The following LRRC4C variants were observed in gnomAD, a reference collection of about 807,000 sequenced individuals.
The protein encoded by LRRC4C is leucine rich repeat containing 4C.
In LRRC4C, 5 loss-of-function variants were observed where a neutral mutation model predicts 33.6. That is an observed-to-expected ratio of 0.15 (90% CI 0.08 to 0.31). The LOEUF is 0.31. Ranked by LOEUF, LRRC4C falls within the 10% of genes least tolerant of loss-of-function variation. The pLI is 1.00. For missense variants in LRRC4C, 560 were observed against 796.7 expected, an observed-to-expected ratio of 0.70 and a Z score of 3.58; for synonymous variants, 329 against 302.0, an observed-to-expected ratio of 1.09 and a Z score of -0.93.
intron 1 of LRRC4C, among the ~76,000 whole-genome samples, chr11:41,257,976 T>A (rs1948857044): frequency 2.6e-5 from 4 of 151,956 alleles, no homozygotes; most frequent in South Asian, 2.1e-4. Context: ...GTGCTTAAAT[T>A]TTTTTATTAT....
intron 1 of LRRC4C, among the ~76,000 whole-genome samples, chr11:41,445,510 GAGA>G (rs1431868706): frequency 2.0e-5 from 3 of 152,210 alleles, no homozygotes; most frequent in African/African-American, 4.8e-5. Flanking sequence ...GAAAGGAAAG[GAGA>G]AGAAGAAGGC....
chr11:41,399,005 G>T (rs186876970), intron 1 of LRRC4C, among the ~76,000 whole-genome samples: 2 of 151,896 alleles, frequency 1.3e-5, no homozygotes, highest in African/African-American at 2.4e-5. Context: ...CTGGATTAAG[G>T]CTACTTTCCT....
At chr11:40,667,952 A>C (rs1943901852) in intron 2 of LRRC4C, among the ~76,000 whole-genome samples, 1 of 152,210 alleles carries the variant, frequency 6.6e-6, no homozygotes, top group Admixed American at 6.5e-5. Context: ...TAGGTAACTA[A>C]AACACTCCTT....
At chr11:41,078,447 TCA>T (rs1048869221) in intron 1 of LRRC4C, among the ~76,000 whole-genome samples, 3 of 152,126 alleles carry the variant, frequency 2.0e-5, no homozygotes, top group African/African-American at 7.2e-5. Flanking sequence ...TTTAATTGAC[TCA>T]CAGTTTCACA....
At chr11:40,332,875 T>C (rs757466318) in intron 3 of LRRC4C, among the ~76,000 whole-genome samples, 2 of 152,248 alleles carry the variant, frequency 1.3e-5, no homozygotes, top group Non-Finnish European at 2.9e-5. Context: ...AGCATCTGCA[T>C]ATATCTTCAC....
chr11:40,667,107 A>G lies in LRRC4C; in HGVS notation c.-406-18829T>C, dbSNP rs546211504. ...AAAAATCTGACTTCAACAGAAATTA[A>G]TATTTTGCAAACCACTTCTATATGT... On this transcript the variant is annotated intron_variant, in intron 2 of 6. Coordinates refer to ENST00000528697, the MANE Select transcript of LRRC4C (RefSeq NM_001258419.2). 3.9e-5 allele frequency among the ~76,000 whole-genome samples: 6 copies of G among 152,344 alleles called. No individual in the cohort carries two copies. The East Asian group carries it at 1.2e-3, about 29-fold the overall frequency.
At chr11:41,081,690 A>G (rs1402142780) in intron 1 of LRRC4C, among the ~76,000 whole-genome samples, 1 of 152,002 alleles carries the variant, frequency 6.6e-6, no homozygotes, top group Non-Finnish European at 1.5e-5. Context: ...TCCTACGCAG[A>G]ATAAACAAAA....
At chr11:40,521,560 C>T (rs1157184655) in intron 3 of LRRC4C, among the ~76,000 whole-genome samples, 2 of 152,058 alleles carry the variant, frequency 1.3e-5, no homozygotes, top group East Asian at 3.9e-4. Context: ...GGTCATTAGC[C>T]TCAGAAAATG....
chr11:40,123,595 C>CA (rs1169679400), intron 6 of LRRC4C, among the ~76,000 whole-genome samples: 3 of 151,378 alleles, frequency 2.0e-5, no homozygotes, highest in African/African-American at 7.2e-5. Flanking sequence ...ATCAGACACG[C>CA]AAAAAATGGA....
intron 4 of LRRC4C, among the ~76,000 whole-genome samples, chr11:40,291,019 G>C (rs889865893): frequency 6.6e-6 from 1 of 152,090 alleles, no homozygotes; most frequent in Non-Finnish European, 1.5e-5. Flanking sequence ...CCTGTCTCAT[G>C]CTGTTTGGCC....
chr11:40,486,616 T>C (rs1405470991), intron 3 of LRRC4C, among the ~76,000 whole-genome samples: 3 of 152,044 alleles, frequency 2.0e-5, no homozygotes, highest in Non-Finnish European at 4.4e-5. Context: ...TGAGGTAGTG[T>C]AGATGAATAT....
intron 5 of LRRC4C, among the ~76,000 whole-genome samples, chr11:40,240,157 C>T (rs1257546849): frequency 1.3e-5 from 2 of 152,232 alleles, no homozygotes; most frequent in Admixed American, 6.5e-5. Flanking sequence ...ATTTGCTTTT[C>T]GCACCCTGTC....
rs541250315 is a variant in LRRC4C, at chr11:40,585,901, T to G, written c.-270+62241A>C. On this transcript the variant is annotated intron_variant, in intron 3 of 6. Transcript: ENST00000528697. Reference sequence around the variant, plus strand: ...TGGACATTTGGGTTGGTTCCAAGTCTTTGCTATTGTGAATAATGCCGCAAT... The same window carrying G: ...TGGACATTTGGGTTGGTTCCAAGTCGTTGCTATTGTGAATAATGCCGCAAT... Among the ~76,000 whole-genome samples, 45 of 136,978 alleles carry G rather than the reference T, an allele frequency of 3.3e-4. 1 individual carries two copies. In the South Asian group the frequency reaches 0.011, roughly 34 times the overall value. 89.9% of individuals were successfully genotyped at this position (136,978 alleles called of 152,430 possible). A position where few individuals can be genotyped will look rare whatever the true frequency, so the allele number is the denominator to read the frequency against.
chr11:40,206,424 T>A (rs1863159290), intron 5 of LRRC4C, among the ~76,000 whole-genome samples: 1 of 151,478 alleles, frequency 6.6e-6, no homozygotes. Context: ...TTTTTTTTAG[T>A]AGAGACAGGG....
At chr11:40,181,566 A>G (rs1389421108) in intron 5 of LRRC4C, among the ~76,000 whole-genome samples, 1 of 152,222 alleles carries the variant, frequency 6.6e-6, no homozygotes, top group Non-Finnish European at 1.5e-5. Flanking sequence ...ATAGATGGCA[A>G]TCATGAAAGT....
At position 41,330,336 on chromosome 11, in the gene LRRC4C, T is replaced by C. The variant is rs533167932; in HGVS notation, c.-496+129095A>G. Among the ~76,000 whole-genome samples, 4 of 152,342 alleles carry C rather than the reference T, an allele frequency of 2.6e-5. No homozygotes were observed. In the South Asian group the frequency reaches 6.2e-4, roughly 24 times the overall value. On this transcript the variant is annotated intron_variant, in intron 1 of 6. Transcript: ENST00000528697. ...TTGTTTTTTTCTTTTTTGTTTTGTTTTGTTTTAATTATCTGTGTCAATAGA... is the reference window on the plus strand; with the variant it reads ...TTGTTTTTTTCTTTTTTGTTTTGTTCTGTTTTAATTATCTGTGTCAATAGA...
At chr11:41,238,940 A>G (rs1948133058) in intron 1 of LRRC4C, among the ~76,000 whole-genome samples, 1 of 151,970 alleles carries the variant, frequency 6.6e-6, no homozygotes, top group Admixed American at 6.6e-5. Flanking sequence ...TCCCTTTCCC[A>G]TATTATATAT....
chr11:41,052,399 G>A (rs976700506), intron 1 of LRRC4C, among the ~76,000 whole-genome samples: 4 of 151,432 alleles, frequency 2.6e-5, no homozygotes, highest in Non-Finnish European at 5.9e-5. Context: ...TCTACATAAG[G>A]CAACTTGATG....
chr11:40,885,334 A>C (rs1242915754), intron 2 of LRRC4C, among the ~76,000 whole-genome samples: 1 of 152,078 alleles, frequency 6.6e-6, no homozygotes, highest in Non-Finnish European at 1.5e-5. Flanking sequence ...TGAGCTCGAT[A>C]AGGAGCAAGA....
Sources: gnomAD v4.1 joint callset for allele counts (sites outside exome capture counted in the v4.1 genomes callset) on GRCh38, gnomAD v4.1.1 for gene constraint, MANE v1.5 for transcripts, NCBI Gene and HGNC (gene_info 2026-07-23, HGNC 2026-07-21) for gene names.